Variants in MAP1LC3B observed in about 807,000 individuals in gnomAD.
MAP1LC3B encodes microtubule associated protein 1 light chain 3 beta, also known as microtubule-associated protein 1 light chain 3 beta.
A neutral mutation model predicts 16.7 loss-of-function variants in MAP1LC3B; 12 were observed. That is an observed-to-expected ratio of 0.72 (90% confidence interval 0.46 to 1.16). The LOEUF is 1.16. Ranked by LOEUF, MAP1LC3B falls within the 50% of genes most tolerant of loss-of-function variation. MAP1LC3B has a pLI of 0.00. For missense variants in MAP1LC3B, 155 were observed against 159.5 expected (o/e 0.97, Z 0.15); for synonymous variants, 63 against 56.5 (o/e 1.11, Z -0.51).
intron 1 of MAP1LC3B, 36 bp from the exon 2 acceptor site, chr16:87,398,779 C>T (rs1323430062): frequency 6.2e-7 from 1 of 1,603,756 alleles, no homozygotes; most frequent in Non-Finnish European, 8.5e-7. Flanking sequence ...GCTGCCTGGC[C>T]CTTAGTAATG....
At chr16:87,399,862 C>T (rs1907926085) in intron 2 of MAP1LC3B, among the ~76,000 whole-genome samples, 1 of 152,000 alleles carries the variant, frequency 6.6e-6, no homozygotes, top group Admixed American at 6.6e-5. Context: ...CAACCTCCGC[C>T]TCCCAGGTTC....
At chr16:87,395,186 G>A (rs375630889) in intron 1 of MAP1LC3B, among the ~76,000 whole-genome samples, 1 of 152,198 alleles carries the variant, frequency 6.6e-6, no homozygotes, top group Non-Finnish European at 1.5e-5. Context: ...GGACACCTTA[G>A]GCTCCTACCG....
rs1215789596 is a variant in MAP1LC3B at position 87,392,442 on chromosome 16, G to C, written c.15G>C (p.Lys5Asn). MPSE[K>N]TFKQRRTFEQ... ...ATCCCTGCACCATGCCGTCGGAGAA[G>C]ACCTTCAAGCAGCGCCGCACCTTCG... The change falls in exon 1 of 4, where the codon AAG (lysine) becomes AAC (asparagine). Residue 5 changes from lysine (K) to asparagine (N), a missense_variant. Lys to Asn is a moderately conservative substitution (Grantham distance 94). Transcript: ENST00000268607. The C allele has an allele frequency of 1.2e-5, 17 of 1,415,376 alleles. No individual in the cohort carries two copies. The highest frequency in any genetic ancestry group is 3.4e-5 in the Admixed American group (1 of 29,482). 87.7% of individuals were successfully genotyped at this position (1,415,376 alleles called of 1,614,324 possible).
intron 1 of MAP1LC3B, 155 bp downstream of exon 1, chr16:87,392,622 C>T (rs1263633324): frequency 3.0e-6 from 2 of 662,022 alleles, no homozygotes; most frequent in East Asian, 1.4e-4. Context: ...ATGCGGGGCC[C>T]GGGGCCCCGT....
chr16:87,400,361 A>G (rs1408485236), intron 2 of MAP1LC3B: 1 of 151,174 alleles, frequency 6.6e-6, no homozygotes, highest in Non-Finnish European at 1.5e-5. Flanking sequence ...TTGTATTTTT[A>G]GTAGAGACGG....
intron 1 of MAP1LC3B, among the ~76,000 whole-genome samples, chr16:87,398,125 T>G (rs1907869045): frequency 6.6e-6 from 1 of 151,972 alleles, no homozygotes. Flanking sequence ...CAGGTTCAAG[T>G]GATTCTCCTG....
intron 2 of MAP1LC3B, among the ~76,000 whole-genome samples, chr16:87,401,132 CAAAAAAAAAA>C (rs10543884): frequency 4.9e-4 from 33 of 67,590 alleles, no homozygotes; most frequent in Non-Finnish European, 7.9e-4. Context: ...GACTCTGTCT[CAAAAAAAAAA>C]AAAAAAAAAA....
chr16:87,398,372 G>A (rs1597389844), intron 1 of MAP1LC3B, among the ~76,000 whole-genome samples: 1 of 152,180 alleles, frequency 6.6e-6, no homozygotes, highest in African/African-American at 2.4e-5. Flanking sequence ...AAAGCTGGAA[G>A]TGATAAGGGA....
chr16:87,403,153 A>C lies in MAP1LC3B; in HGVS notation c.*56A>C. 6.4e-7 allele frequency: 1 copy of C among 1,558,256 alleles called. No homozygotes were observed. The highest frequency in any genetic ancestry group is 8.7e-7 in the Non-Finnish European group (1 of 1,154,562). Reference sequence around the variant, plus strand: ...GTTTAAACCCTTACCAAGGAAAAAAAAGGGATGTTACCAACTGAGATCGAT... The same window carrying C: ...GTTTAAACCCTTACCAAGGAAAAAACAGGGATGTTACCAACTGAGATCGAT... On this transcript the variant is annotated 3_prime_UTR_variant, in exon 4 of 4. Coordinates refer to ENST00000268607, the MANE Select transcript of MAP1LC3B (RefSeq NM_022818.5).
In MAP1LC3B at chr16:87,402,937, T is replaced by G; in HGVS notation, c.218T>G (p.Leu73Arg). 6.2e-7 allele frequency: 1 copy of G among 1,613,956 alleles called. No individual in the cohort carries two copies. The highest frequency in any genetic ancestry group is 8.5e-7 in the Non-Finnish European group (1 of 1,179,852). ...TCTTTCAATAGAAGGCGCTTACAGC[T>G]CAATGCTAATCAGGCCTTCTTCCTG... ...LIKIIRRRLQ[L>R]NANQAFFLLV... Residue 73 changes from leucine to arginine, a missense_variant, in exon 4 of 4, where the codon CTC becomes CGC. By Grantham distance (102) the Leu-to-Arg change is moderately radical (BLOSUM62 -2). Coordinates refer to ENST00000268607, the MANE Select transcript of MAP1LC3B (RefSeq NM_022818.5).
chr16:87,401,251 G>A (rs1306989781), intron 2 of MAP1LC3B, among the ~76,000 whole-genome samples: 1 of 152,094 alleles, frequency 6.6e-6, no homozygotes, highest in East Asian at 1.9e-4. Context: ...CCTCGGTAAG[G>A]CTTGAGGTCT....
chr16:87,399,284 T>G (rs183048109), intron 2 of MAP1LC3B: 1 of 270,360 alleles, frequency 3.7e-6, no homozygotes, highest in Non-Finnish European at 7.3e-6. Flanking sequence ...AGTGTTGGGA[T>G]TATAGGCATG....
At position 87,401,032 on chromosome 16, in the gene MAP1LC3B, C is replaced by G. The variant is rs545442041; in HGVS notation, c.97-1143C>G. Among the ~76,000 whole-genome samples the G allele has an allele frequency of 2.7e-3, 404 of 148,774 alleles. 1 individual carries two copies. Among genetic ancestry groups the G allele is most frequent in the African/African-American group, 9.4e-3 (381 of 40,568 alleles). On this transcript the variant is annotated intron_variant, in intron 2 of 3. Coordinates refer to ENST00000268607, the MANE Select transcript of MAP1LC3B (RefSeq NM_022818.5). Reference sequence around the variant, plus strand: ...CCTGTAATCCCAGCTACTCAGGAGGCTGAGGCAGGAGAATTGCTTGAACCC... The same window carrying G: ...CCTGTAATCCCAGCTACTCAGGAGGGTGAGGCAGGAGAATTGCTTGAACCC...
intron 2 of MAP1LC3B, chr16:87,399,502 C>T: frequency 2.5e-6 from 1 of 408,096 alleles, no homozygotes; most frequent in East Asian, 7.2e-5. Flanking sequence ...GTAGGTCTCA[C>T]ACAATAGAAC....
intron 1 of MAP1LC3B, chr16:87,392,897 C>G (rs1907647516): frequency 6.6e-6 from 1 of 152,126 alleles, no homozygotes; most frequent in South Asian, 2.1e-4. Flanking sequence ...CGCGCTGGGC[C>G]GTTCGGCTCT....
chr16:87,392,565 C>T (rs1907623291), intron 1 of MAP1LC3B, 98 bp downstream of exon 1: 7 of 1,128,384 alleles, frequency 6.2e-6, no homozygotes, highest in Non-Finnish European at 6.6e-6. Flanking sequence ...GGGGCCGAGC[C>T]GGGAGGCCGA....
rs564169341 is a variant in MAP1LC3B, at chr16:87,394,244, A to C, written c.40+1777A>C. 5.3e-5 allele frequency among the ~76,000 whole-genome samples: 8 copies of C among 151,374 alleles called. No individual in the cohort carries two copies. In the South Asian group the frequency reaches 1.5e-3, roughly 28 times the overall value. The stretch of plus-strand genomic sequence containing the variant: ...GTAGAAATGTGTCAAATATCTTAAC[A>C]GCTGTTACCTTTCCTTGCTTCTGAT... On this transcript the variant is annotated intron_variant, in intron 1 of 3. Coordinates refer to ENST00000268607, the MANE Select transcript of MAP1LC3B (RefSeq NM_022818.5).
intron 1 of MAP1LC3B, among the ~76,000 whole-genome samples, chr16:87,396,006 G>A (rs1236640767): frequency 6.6e-6 from 1 of 151,292 alleles, no homozygotes; most frequent in Non-Finnish European, 1.5e-5. Context: ...GATTACGGGT[G>A]CCCGCCATCA....
Position 87,396,067 on chromosome 16 carries a change from G to A in MAP1LC3B, c.41-2748G>A, listed in dbSNP as rs187599485. Reference sequence around the variant, plus strand: ...GTAAAGACAGGGTTTCACCGTGTTGGCCAGGATGGTCTCTAACTCCTGACC... The same window carrying A: ...GTAAAGACAGGGTTTCACCGTGTTGACCAGGATGGTCTCTAACTCCTGACC... On this transcript the variant is annotated intron_variant, in intron 1 of 3. Transcript: ENST00000268607. 4.9e-3 allele frequency among the ~76,000 whole-genome samples: 741 copies of A among 151,428 alleles called. 6 individuals carry two copies. The highest frequency in any genetic ancestry group is 0.016 in the African/African-American group (665 of 41,386).
Sources: allele counts gnomAD v4.1 joint callset (sites outside exome capture counted in the v4.1 genomes callset), GRCh38; gene constraint gnomAD v4.1.1; transcripts MANE v1.5; gene names NCBI Gene and HGNC (gene_info 2026-07-23, HGNC 2026-07-21).